NCAPD3: variants seen among roughly 807,000 people sequenced by gnomAD.
NCAPD3 encodes the protein non-SMC condensin II complex subunit D3, also known as condensin-2 complex subunit D3.
NCAPD3 carries 105 observed loss-of-function variants against 182.9 expected under a neutral mutation model. The observed-to-expected ratio is 0.57, with a 90% CI of 0.49 to 0.68. NCAPD3 has a LOEUF of 0.68. Ranked by LOEUF, NCAPD3 falls within the 30% of genes least tolerant of loss-of-function variation. The pLI, the probability that NCAPD3 is intolerant of heterozygous loss-of-function variation, is 0.00. For synonymous variants in NCAPD3, 815 were observed against 679.9 expected (o/e 1.20, Z -3.09); for missense variants, 1,944 against 1,837.0 (o/e 1.06, Z -1.07).
rs747321464 is a variant in NCAPD3 at position 134,178,657 on chromosome 11, C to T, written c.2759G>A (p.Arg920Lys). 43 of 1,577,314 alleles carry T rather than the reference C, an allele frequency of 2.7e-5. No individual in the cohort carries two copies. The highest frequency in any genetic ancestry group is 3.7e-5 in the Non-Finnish European group (43 of 1,160,486). The change falls in exon 22 of 35, where the codon AGA (arginine) becomes AAA (lysine). Residue 920 changes from arginine (R) to lysine (K), a missense_variant. This residue lies in a region of NCAPD3 where 1,803 missense variants were observed against 1,674.6 expected (regional missense o/e 1.08). Transcript: ENST00000534548. Reference sequence around the variant, plus strand: ...ACCTAAGGTAATGATGGCATGTGCTCTAATCACAGAGGGCATGACAGAACC... The same window carrying T: ...ACCTAAGGTAATGATGGCATGTGCTTTAATCACAGAGGGCATGACAGAACC... ...VRGSVMPSVI[R>K]AHAIITLGKL...
chr11:134,188,333 T>A (rs1283898076), intron 16 of NCAPD3, among the ~76,000 whole-genome samples: 1 of 152,184 alleles, frequency 6.6e-6, no homozygotes, highest in Admixed American at 6.5e-5. Context: ...AATGCACCAA[T>A]CAGCACTCTG....
At chr11:134,224,092 G>C, upstream of NCAPD3, 1 of 808,770 alleles carries the variant, frequency 1.2e-6, no homozygotes, top group South Asian at 1.7e-5. Flanking sequence ...GGCGTCGTCC[G>C]CCGCACGCTC....
chr11:134,168,602 T>A lies in NCAPD3; in HGVS notation c.3240A>T (p.Arg1080Ser). The A allele has an allele frequency of 6.2e-7, 1 of 1,614,098 alleles. No individual in the cohort carries two copies. The highest frequency in any genetic ancestry group is 8.5e-7 in the Non-Finnish European group (1 of 1,180,024). Residue 1080 changes from arginine (R) to serine (S), a missense_variant and splice_region_variant, in exon 26 of 35, where the codon AGA (arginine) becomes AGT (serine). Physicochemically the swap from Arg to Ser is moderately radical, Grantham distance 110. Transcript: ENST00000534548. ...CCTTCAATGAAAACAGCCGCTTCTCTCTGTGGCAGAACGGGACAAGTTCAC... is the reference window on the plus strand; with the variant it reads ...CCTTCAATGAAAACAGCCGCTTCTCACTGTGGCAGAACGGGACAAGTTCAC... ...EKYNKFPQSE[R>S]EKRLFSLKGK...
intron 13 of NCAPD3, among the ~76,000 whole-genome samples, chr11:134,197,785 C>T (rs894938970): frequency 1.3e-5 from 2 of 152,132 alleles, no homozygotes; most frequent in Non-Finnish European, 2.9e-5. Context: ...AAGAAAACCA[C>T]ACAATCATCT....
intron 29 of NCAPD3, among the ~76,000 whole-genome samples, chr11:134,159,438 T>C (rs141015867): frequency 7.2e-5 from 11 of 152,378 alleles, no homozygotes; most frequent in African/African-American, 2.4e-4. Flanking sequence ...AAGCTGCCAC[T>C]TGTAGATGCT....
chr11:134,173,910 G>A (rs552667374), intron 24 of NCAPD3, among the ~76,000 whole-genome samples: 45 of 150,748 alleles, frequency 3.0e-4, no homozygotes, highest in South Asian at 6.3e-4. Context: ...GCAGTGAGCC[G>A]AGATCATGCC....
chr11:134,165,264 G>A (rs929378296), intron 27 of NCAPD3, among the ~76,000 whole-genome samples: 1 of 150,120 alleles, frequency 6.7e-6, no homozygotes, highest in Non-Finnish European at 1.5e-5. Flanking sequence ...TAAGCTGAGG[G>A]GGAGCTGCAC....
Position 134,152,132 on chromosome 11 carries a change from AAG to A in NCAPD3, c.*810_*811del, listed in dbSNP as rs1307429793. On this transcript the variant is annotated 3_prime_UTR_variant, in exon 35 of 35. Coordinates refer to ENST00000534548, the MANE Select transcript of NCAPD3 (RefSeq NM_015261.3). The stretch of plus-strand genomic sequence containing the variant: ...TCAGTTTACCCACTAGTGCTAACAG[AAG>A]AGACTCAAGCTGTTCCCCCATCATG... The A allele has an allele frequency of 6.6e-6, 1 of 152,254 alleles. No homozygotes were observed. Among genetic ancestry groups the A allele is most frequent in the African/African-American group, 2.4e-5 (1 of 41,466 alleles). The allele number at this position is 152,254 out of a possible 1,614,324, so 9.4% of individuals were successfully genotyped here.
At chr11:134,211,888 C>T (rs1373432673) in intron 3 of NCAPD3, among the ~76,000 whole-genome samples, 1 of 152,074 alleles carries the variant, frequency 6.6e-6, no homozygotes, top group East Asian at 1.9e-4. Flanking sequence ...CAGTCTAACA[C>T]AGGAGTGACT....
intron 27 of NCAPD3, among the ~76,000 whole-genome samples, chr11:134,166,298 C>T (rs1490633951): frequency 9.4e-5 from 1 of 10,684 alleles, no homozygotes; most frequent in Non-Finnish European, 1.5e-4. Flanking sequence ...GGGAGCTGCA[C>T]ACTCACTAGT....
chr11:134,209,114 A>T, intron 6 of NCAPD3, 31 bp downstream of exon 6: 1 of 1,602,276 alleles, frequency 6.2e-7, no homozygotes, highest in Non-Finnish European at 8.5e-7. Context: ...ACTATACTTA[A>T]ATTGTAGCAC....
chr11:134,164,532 GAA>G (rs1274339666), intron 27 of NCAPD3, among the ~76,000 whole-genome samples: 1 of 152,258 alleles, frequency 6.6e-6, no homozygotes, highest in Non-Finnish European at 1.5e-5. Context: ...TAGATGGTGA[GAA>G]GAGTGGGACA....
chr11:134,156,902 GT>G, intron 32 of NCAPD3, 115 bp downstream of exon 32: 1 of 915,874 alleles, frequency 1.1e-6, no homozygotes, highest in East Asian at 2.5e-5. Context: ...TGCACTCATG[GT>G]TCTGACCATC....
chr11:134,210,509 T>C, intron 3 of NCAPD3, 55 bp from the exon 4 acceptor site: 1 of 1,452,374 alleles, frequency 6.9e-7, no homozygotes, highest in African/African-American at 1.4e-5. Flanking sequence ...TTGAAATATA[T>C]CTATAACATC....
chr11:134,182,957 C>T (rs977173671), intron 19 of NCAPD3: 26 of 334,476 alleles, frequency 7.8e-5, no homozygotes, highest in African/African-American at 4.8e-4. Context: ...AAAACCGTGG[C>T]GGTCTTTGCT....
At chr11:134,158,535 T>C (rs777310561) in intron 29 of NCAPD3, 40 bp from the exon 30 acceptor site, 15 of 1,586,896 alleles carry the variant, frequency 9.5e-6, no homozygotes, top group Middle Eastern at 3.3e-4. Context: ...TCTAATACTT[T>C]TTAAGTTTTC....
chr11:134,214,892 C>T (rs934067417), intron 3 of NCAPD3, among the ~76,000 whole-genome samples: 2 of 152,098 alleles, frequency 1.3e-5, no homozygotes, highest in Non-Finnish European at 2.9e-5. Context: ...TACCAAGATA[C>T]CCAGATACTC....
At position 134,161,856 on chromosome 11, in the gene NCAPD3, T is replaced by C. The variant is rs777055740; in HGVS notation, c.3609A>G (p.Pro1203=). Residue 1203 remains proline, a synonymous_variant, in exon 28 of 35, where the codon CCA becomes CCG. Coordinates refer to ENST00000534548, the MANE Select transcript of NCAPD3 (RefSeq NM_015261.3). The stretch of plus-strand genomic sequence containing the variant: ...GCACAGTCTTCAGGGAGATGATAAT[T>C]GGAATAATATTTTCTATGAAATTCC... The part of the protein sequence containing the change: ...QKRNFIENII[P]IIISLKTVLE... The C allele has an allele frequency of 6.3e-7, 1 of 1,579,552 alleles. No individual in the cohort carries two copies. Among genetic ancestry groups the C allele is most frequent in the Admixed American group, 1.8e-5 (1 of 56,112 alleles).
chr11:134,163,123 G>C (rs1390569083), intron 27 of NCAPD3, among the ~76,000 whole-genome samples: 3 of 152,202 alleles, frequency 2.0e-5, no homozygotes, highest in Non-Finnish European at 4.4e-5. Context: ...AGGCACACCA[G>C]AAGTTCTTGT....
Sources: gnomAD v4.1 joint callset for allele counts (sites outside exome capture counted in the v4.1 genomes callset) on GRCh38, gnomAD v4.1.1 for gene constraint, gnomAD v4.1.1 regional missense constraint, MANE v1.5 for transcripts, NCBI Gene and HGNC (gene_info 2026-07-23, HGNC 2026-07-21) for gene names.